Variants in CNGB1 observed in about 807,000 individuals in gnomAD.
The protein encoded by CNGB1 is cyclic nucleotide gated channel subunit beta 1.
A neutral mutation model predicts 151.7 loss-of-function variants in CNGB1; 126 were observed. That is an observed-to-expected ratio of 0.83 (90% CI 0.72 to 0.96). CNGB1 has a LOEUF of 0.96. Ranked by LOEUF, CNGB1 falls within the 40% of genes least tolerant of loss-of-function variation. The probability of loss-of-function intolerance (pLI) is 0.00; values close to 1 mark genes in which losing one functional copy is unlikely to be tolerated. For synonymous variants in CNGB1, 623 were observed against 635.1 expected, an observed-to-expected ratio of 0.98 and a Z score of 0.29; for missense variants, 1,698 against 1,627.0, an observed-to-expected ratio of 1.04 and a Z score of -0.75.
rs1292243973 is a variant in CNGB1, at chr16:57,960,922, AG to A, written c.459-8del. ...AAGCAGCCGCAGCCCAGGCCTGCAG[AG>A]GGGCCAGTGATCAGCAGAGTGCCCT... is the stretch of plus-strand genomic sequence containing the variant. On this transcript the variant is annotated splice_polypyrimidine_tract_variant and splice_region_variant and intron_variant, in intron 7 of 32. Coordinates refer to ENST00000251102, the MANE Select transcript of CNGB1 (RefSeq NM_001297.5). 1 of 1,613,962 alleles carries A rather than the reference AG, an allele frequency of 6.2e-7. No individual in the cohort carries two copies. Among genetic ancestry groups the A allele is most frequent in the Non-Finnish European group, 8.5e-7 (1 of 1,180,000 alleles).
Position 57,959,888 on chromosome 16 carries a change from C to G in CNGB1, c.761G>C (p.Arg254Thr), listed in dbSNP as rs757366044. The change falls in exon 10 of 33, where the codon AGG (arginine) becomes ACG (threonine). Residue 254 changes from arginine to threonine, a missense_variant and splice_region_variant. Arg to Thr is a moderately conservative substitution (Grantham distance 71, BLOSUM62 -1). Transcript: ENST00000251102. ...AGGCGCTGCATTGAGGGTGGCTCAC[C>G]TGGCAGGGTCCCTGGTTGGTGGCAG... ...SSLPPTRDPA[R>T]LVAWVLHRLE... 6.5e-7 allele frequency: 1 copy of G among 1,527,114 alleles called. No individual in the cohort carries two copies. The highest frequency in any genetic ancestry group is 2.3e-5 in the East Asian group (1 of 43,536). The allele number at this position is 1,527,114 out of a possible 1,614,324, so 94.6% of individuals were successfully genotyped here.
chr16:57,959,988 G>A lies in CNGB1; in HGVS notation c.661C>T (p.Leu221=). 6.3e-7 allele frequency: 1 copy of A among 1,590,420 alleles called. No homozygotes were observed. The highest frequency in any genetic ancestry group is 1.1e-5 in the South Asian group (1 of 87,460). Residue 221 remains leucine (L), a synonymous_variant, in exon 10 of 33, where the codon CTG becomes TTG. Transcript: ENST00000251102. ...TCCTTGGGTTCCTCCTTGGGCTGCA[G>A]GGGGATGGGTGTGGGCAGGGAGGGG... The part of the protein sequence containing the change: ...ETPSLPTPIP[L]QPKEEPKEAP...
chr16:57,902,502 C>G (rs1466783555), intron 27 of CNGB1, among the ~76,000 whole-genome samples: 5 of 152,138 alleles, frequency 3.3e-5, no homozygotes, highest in African/African-American at 1.2e-4. Context: ...GACAAGGTCT[C>G]ACTATGTTGC....
rs781605816 is a variant in CNGB1, at chr16:57,903,809, G to A, written c.2794+13C>T. The A allele has an allele frequency of 2.1e-5, 34 of 1,613,786 alleles. No individual in the cohort carries two copies. The highest frequency in any genetic ancestry group is 4.5e-5 in the East Asian group (2 of 44,884). On this transcript the variant is annotated intron_variant, in intron 27 of 32. Coordinates refer to ENST00000251102, the MANE Select transcript of CNGB1 (RefSeq NM_001297.5). ...ACTGGGAGCTGGTGGCTGCCAGGGC[G>A]TGACCATCTTACCCAGCATGCCTTG... is the stretch of plus-strand genomic sequence containing the variant.
intron 19 of CNGB1, among the ~76,000 whole-genome samples, chr16:57,919,913 A>C (rs1474112681): frequency 2.0e-5 from 3 of 152,128 alleles, no homozygotes; most frequent in Non-Finnish European, 4.4e-5. Context: ...AGATCTAAAA[A>C]ATCTCCCTGA....
chr16:57,939,728 C>G (rs1477042717), intron 15 of CNGB1, 136 bp from the exon 16 acceptor site: 1 of 1,228,956 alleles, frequency 8.1e-7, no homozygotes, highest in African/African-American at 1.5e-5. Flanking sequence ...CAGTCAGGTC[C>G]TGCCAGCCCA....
chr16:57,965,733 C>G (rs1567400533), intron 2 of CNGB1, among the ~76,000 whole-genome samples: 1 of 152,092 alleles, frequency 6.6e-6, no homozygotes, highest in Non-Finnish European at 1.5e-5. Context: ...AATATGTAGA[C>G]ACATACACAC....
At chr16:57,961,394 C>G (rs372950765) in intron 7 of CNGB1, among the ~76,000 whole-genome samples, 51 of 152,350 alleles carry the variant, frequency 3.3e-4, no homozygotes, top group African/African-American at 1.2e-3. Flanking sequence ...AATTATGTGG[C>G]TGGTCCTAAG....
intron 4 of CNGB1, 37 bp downstream of exon 4, chr16:57,964,093 G>C (rs181104442): frequency 1.2e-6 from 2 of 1,604,184 alleles, no homozygotes; most frequent in East Asian, 4.5e-5. Flanking sequence ...GTTGGGAGGC[G>C]GGCTGGCCCT....
At chr16:57,900,574 G>T (rs1960356786) in intron 29 of CNGB1, among the ~76,000 whole-genome samples, 1 of 152,138 alleles carries the variant, frequency 6.6e-6, no homozygotes, top group Non-Finnish European at 1.5e-5. Flanking sequence ...ACATTGTCAG[G>T]CCCCAGGATT....
intron 20 of CNGB1, 25 bp from the exon 21 acceptor site, chr16:57,917,501 C>T: frequency 6.2e-7 from 1 of 1,611,110 alleles, no homozygotes; most frequent in Non-Finnish European, 8.5e-7. Context: ...GACGGGGACG[C>T]TAGAGCATCA....
At chr16:57,905,855 G>A (rs1405577100) in intron 25 of CNGB1, among the ~76,000 whole-genome samples, 4 of 152,346 alleles carry the variant, frequency 2.6e-5, no homozygotes, top group Non-Finnish European at 4.4e-5. Flanking sequence ...CTTGATCTTG[G>A]ACTTCCCAGC....
In CNGB1 at chr16:57,904,813, G is replaced by A. The variant is rs768202610; in HGVS notation, c.2555C>T (p.Pro852Leu). 1.1e-5 allele frequency: 17 copies of A among 1,614,010 alleles called. No homozygotes were observed. The highest frequency in any genetic ancestry group is 1.7e-5 in the Admixed American group (1 of 60,002). ...GAAGACAATTTCAAAGAGTGTCTTGGGGTCAGGCAGCCCCCCGATGGTGAT... is the reference window on the plus strand; with the variant it reads ...GAAGACAATTTCAAAGAGTGTCTTGAGGTCAGGCAGCCCCCCGATGGTGAT... ...TLITIGGLPD[P>L]KTLFEIVFQL... Residue 852 changes from proline (P) to leucine (L), a missense_variant, in exon 26 of 33, where the codon CCC becomes CTC. Transcript: ENST00000251102.
At chr16:57,967,947 A>G (rs1962442579) in intron 1 of CNGB1, among the ~76,000 whole-genome samples, 1 of 152,194 alleles carries the variant, frequency 6.6e-6, no homozygotes, top group Non-Finnish European at 1.5e-5. Flanking sequence ...GAAAGTACCT[A>G]CATGTAACTA....
intron 20 of CNGB1, among the ~76,000 whole-genome samples, chr16:57,918,621 T>A (rs1039096501): frequency 1.3e-5 from 2 of 152,206 alleles, no homozygotes; most frequent in African/African-American, 4.8e-5. Flanking sequence ...ACTAGTTGCA[T>A]CTTTACCCTG....
chr16:57,930,479 G>A (rs1038016472), intron 17 of CNGB1, among the ~76,000 whole-genome samples: 5 of 140,254 alleles, frequency 3.6e-5, no homozygotes, highest in Non-Finnish European at 7.6e-5. Flanking sequence ...GGGTGACAGA[G>A]AGAGATCTTG....
intron 24 of CNGB1, 99 bp downstream of exon 24, chr16:57,912,831 T>TTG: frequency 2.5e-6 from 3 of 1,205,880 alleles, no homozygotes; most frequent in Non-Finnish European, 3.7e-6. Context: ...CGTGTGTGTG[T>TTG]TGTGTGTGTG....
chr16:57,928,424 G>A (rs1286120062), intron 17 of CNGB1, among the ~76,000 whole-genome samples: 2 of 152,202 alleles, frequency 1.3e-5, no homozygotes, highest in Non-Finnish European at 2.9e-5. Flanking sequence ...CATCATAAGT[G>A]AGCATTAAGG....
At chr16:57,908,371 C>T (rs1460534846) in intron 25 of CNGB1, among the ~76,000 whole-genome samples, 1 of 152,254 alleles carries the variant, frequency 6.6e-6, no homozygotes, top group Non-Finnish European at 1.5e-5. Flanking sequence ...CCACTGGGAG[C>T]AAGGGCCTGG....
Sources: gnomAD v4.1 joint callset for allele counts (sites outside exome capture counted in the v4.1 genomes callset) on GRCh38, gnomAD v4.1.1 for gene constraint, MANE v1.5 for transcripts, NCBI Gene and HGNC (gene_info 2026-07-23, HGNC 2026-07-21) for gene names.